SUSD5: variants seen among roughly 807,000 people sequenced by gnomAD.
The protein encoded by SUSD5 is sushi domain containing 5, also known as sushi domain-containing protein 5.
A neutral mutation model predicts 29.5 loss-of-function variants in SUSD5; 33 were observed. The observed-to-expected ratio is 1.12, with a 90% CI of 0.85 to 1.49. The LOEUF (loss-of-function observed/expected upper bound fraction) is 1.49. Among genes scored for constraint, SUSD5 ranks in the 40% most tolerant of loss-of-function variants. The probability of loss-of-function intolerance (pLI) is 0.00; values close to 1 mark genes in which losing one functional copy is unlikely to be tolerated. For missense variants in SUSD5, 776 were observed against 800.6 expected, an observed-to-expected ratio of 0.97 and a Z score of 0.37; for synonymous variants, 308 against 325.3, an observed-to-expected ratio of 0.95 and a Z score of 0.57.
intron 3 of SUSD5, among the ~76,000 whole-genome samples, chr3:33,194,415 T>C (rs540371006): frequency 7.9e-5 from 12 of 152,098 alleles, no homozygotes; most frequent in African/African-American, 2.4e-4. Flanking sequence ...CACTGGCTGG[T>C]TGGTTACAAG....
At chr3:33,158,905 T>A (rs1314326440) in intron 4 of SUSD5, among the ~76,000 whole-genome samples, 1 of 152,202 alleles carries the variant, frequency 6.6e-6, no homozygotes, top group Non-Finnish European at 1.5e-5. Context: ...TACTAGGGAA[T>A]ATTTTTTGTT....
At chr3:33,187,083 T>C (rs971501365) in intron 3 of SUSD5, among the ~76,000 whole-genome samples, 2 of 152,180 alleles carry the variant, frequency 1.3e-5, no homozygotes, top group Non-Finnish European at 2.9e-5. Context: ...ACTTTCCACC[T>C]TTCTCAGCTG....
chr3:33,218,270 C>G (rs2032459862), intron 1 of SUSD5, among the ~76,000 whole-genome samples: 1 of 152,306 alleles, frequency 6.6e-6, no homozygotes, highest in Non-Finnish European at 1.5e-5. Context: ...CCAAAATATC[C>G]GAGGGAGTTT....
intron 3 of SUSD5, among the ~76,000 whole-genome samples, chr3:33,177,129 A>T (rs946397397): frequency 6.6e-6 from 1 of 152,234 alleles, no homozygotes. Flanking sequence ...CATTTATGCC[A>T]GAGGTTGCAA....
At chr3:33,173,210 C>A (rs2031472585) in intron 4 of SUSD5, among the ~76,000 whole-genome samples, 1 of 152,226 alleles carries the variant, frequency 6.6e-6, no homozygotes, top group African/African-American at 2.4e-5. Context: ...AGAGCTGTCA[C>A]CAGACTGGCA....
Position 33,153,039 on chromosome 3 carries a change from A to C in SUSD5, c.1593T>G (p.Asp531Glu). Reference protein sequence around the residue: ...PVETTVPEIQDSFPYLLSEDF... With the variant: ...PVETTVPEIQESFPYLLSEDF... ...CTTCAGACAGCAGGTATGGGAAGCT[A>C]TCCTGGATCTCAGGAACAGTGGTTT... Residue 531 changes from aspartate to glutamate, a missense_variant, in exon 5 of 5, where the codon GAT becomes GAG. Physicochemically the swap from Asp to Glu is conservative, Grantham distance 45. Transcript: ENST00000309558. 1 of 1,613,834 alleles carries C rather than the reference A, an allele frequency of 6.2e-7. No homozygotes were observed. The highest frequency in any genetic ancestry group is 8.5e-7 in the Non-Finnish European group (1 of 1,179,798).
Position 33,153,097 on chromosome 3 carries a change from G to T in SUSD5, c.1535C>A (p.Ser512Ter), listed in dbSNP as rs772448037. ...TVKQTPNHIP[S>*]TIMATTQPPV... Reference sequence around the variant, plus strand: ...AGGCTGGGTGGTTGCCATGATCGTTGAGGGGATGTGGTTAGGTGTCTGCTT... The same window carrying T: ...AGGCTGGGTGGTTGCCATGATCGTTTAGGGGATGTGGTTAGGTGTCTGCTT... The change falls in exon 5 of 5, where the codon TCA becomes TAA. Residue 512 changes from serine (S) to a stop codon, truncating the protein, a stop_gained. Coordinates refer to ENST00000309558, the MANE Select transcript of SUSD5 (RefSeq NM_015551.2). LOFTEE classifies it high-confidence loss of function. 6.2e-6 allele frequency: 10 copies of T among 1,613,900 alleles called. No homozygotes were observed. The highest frequency in any genetic ancestry group is 8.5e-6 in the Non-Finnish European group (10 of 1,179,836).
intron 3 of SUSD5, among the ~76,000 whole-genome samples, chr3:33,203,001 G>A (rs1194372185): frequency 1.3e-5 from 2 of 152,256 alleles, no homozygotes; most frequent in East Asian, 1.9e-4. Flanking sequence ...AGCATCACTG[G>A]GAAAAAGGCA....
At chr3:33,209,908 T>G (rs1053832667) in intron 2 of SUSD5, among the ~76,000 whole-genome samples, 14 of 152,188 alleles carry the variant, frequency 9.2e-5, no homozygotes, top group African/African-American at 3.4e-4. Flanking sequence ...ATTTGGTTAT[T>G]TTTACAGTTT....
rs1056217796 is a variant in SUSD5 at position 33,151,588 on chromosome 3, C to G, written c.*1154G>C. 1.2e-4 allele frequency: 18 copies of G among 151,366 alleles called. No homozygotes were observed. The highest frequency in any genetic ancestry group is 2.5e-4 in the Non-Finnish European group (17 of 67,906). The allele number at this position is 151,366 out of a possible 1,614,324, so 9.4% of individuals were successfully genotyped here. The stretch of plus-strand genomic sequence containing the variant: ...CGTGTCATTCTCTCTTACTGGAGTT[C>G]AGAGAAATGGTTAATCCTGAGAGAG... On this transcript the variant is annotated 3_prime_UTR_variant, in exon 5 of 5. Transcript: ENST00000309558.
In SUSD5 at chr3:33,204,116, C is replaced by T. The variant is rs1308772317; in HGVS notation, c.409+3692G>A. ...TTTTTGAAGAGATGGTTTTTAGGGA[C>T]AAAGGGGCATCATATCTACAAGTTA... On this transcript the variant is annotated intron_variant, in intron 3 of 4. Coordinates refer to ENST00000309558, the MANE Select transcript of SUSD5 (RefSeq NM_015551.2). This position sits in a 1 kb window ranked among gnomAD's most constrained non-coding sequence, Gnocchi z 4.5. Among the ~76,000 whole-genome samples, 7 of 151,644 alleles carry T rather than the reference C, an allele frequency of 4.6e-5. No individual in the cohort carries two copies. The highest frequency in any genetic ancestry group is 1.7e-4 in the African/African-American group (7 of 41,242).
At chr3:33,209,157 A>C (rs913097695) in intron 2 of SUSD5, among the ~76,000 whole-genome samples, 1 of 152,162 alleles carries the variant, frequency 6.6e-6, no homozygotes, top group Non-Finnish European at 1.5e-5. Flanking sequence ...TTTCATTGTC[A>C]GTTTATTGTT....
intron 4 of SUSD5, among the ~76,000 whole-genome samples, chr3:33,160,740 C>A (rs2031168890): frequency 6.6e-6 from 1 of 151,978 alleles, no homozygotes. Context: ...CATGACAGAA[C>A]TAAAAAATCA....
Position 33,153,218 on chromosome 3 carries a change from G to T in SUSD5, c.1414C>A (p.Leu472Ile), listed in dbSNP as rs1430265818. The change falls in exon 5 of 5, where the codon CTA (leucine) becomes ATA (isoleucine). Residue 472 changes from leucine (L) to isoleucine (I), a missense_variant. Coordinates refer to ENST00000309558, the MANE Select transcript of SUSD5 (RefSeq NM_015551.2). ...TCCTCTGTGATGAATCTCCAGGGTA[G>T]AGTTGACTGGTACTTCGTCAAGTCA... ...DGDLTKYQSTLPWRFITEESP... is the reference protein window; with the variant it reads ...DGDLTKYQSTIPWRFITEESP... 6.2e-7 allele frequency: 1 copy of T among 1,613,928 alleles called. No homozygotes were observed. The highest frequency in any genetic ancestry group is 1.7e-5 in the Admixed American group (1 of 60,024).
chr3:33,159,524 C>A (rs2031129140), intron 4 of SUSD5, among the ~76,000 whole-genome samples: 1 of 152,106 alleles, frequency 6.6e-6, no homozygotes, highest in Admixed American at 6.5e-5. Flanking sequence ...CTTCTTCTAC[C>A]TCATCACTTA....
chr3:33,188,285 A>G (rs1237350785), intron 3 of SUSD5, among the ~76,000 whole-genome samples: 1 of 152,204 alleles, frequency 6.6e-6, no homozygotes. Flanking sequence ...TTACTTTGCA[A>G]GACAAAAATG....
chr3:33,210,782 A>G (rs1318827787), intron 2 of SUSD5, among the ~76,000 whole-genome samples: 1 of 152,192 alleles, frequency 6.6e-6, no homozygotes, highest in Non-Finnish European at 1.5e-5. Flanking sequence ...AAAGAGAATA[A>G]TATGTTTTAA....
chr3:33,168,811 G>A, intron 4 of SUSD5, among the ~76,000 whole-genome samples: 1 of 152,174 alleles, frequency 6.6e-6, no homozygotes, highest in South Asian at 2.1e-4. Flanking sequence ...CACCACACCT[G>A]GCTAATTTTC....
intron 3 of SUSD5, among the ~76,000 whole-genome samples, chr3:33,186,521 G>T (rs376143282): frequency 6.6e-6 from 1 of 150,642 alleles, no homozygotes; most frequent in East Asian, 2.0e-4. Context: ...CCGCCTCCCC[G>T]GTTCAAGCGA....
Sources: gnomAD v4.1 joint callset for allele counts (sites outside exome capture counted in the v4.1 genomes callset) on GRCh38, gnomAD v4.1.1 for gene constraint, Gnocchi (gnomAD v3.1) non-coding constraint, MANE v1.5 for transcripts, NCBI Gene and HGNC (gene_info 2026-07-23, HGNC 2026-07-21) for gene names.